Variants in ABCA4 observed in about 807,000 individuals in gnomAD.
ABCA4 encodes ATP binding cassette subfamily A member 4.
Under a neutral mutation model 263.7 loss-of-function variants are expected in ABCA4, and 196 were observed. The ratio of observed to expected loss-of-function variants is 0.74; its 90% confidence interval spans 0.66 to 0.84. ABCA4 has a LOEUF of 0.84. ABCA4 is among the 40% of genes least tolerant of loss of function. The probability of loss-of-function intolerance (pLI) is 0.00; values close to 1 mark genes in which losing one functional copy is unlikely to be tolerated. For synonymous variants in ABCA4, 1,133 were observed against 1,094.2 expected (o/e 1.04, Z -0.70); for missense variants, 2,792 against 2,855.1 (o/e 0.98, Z 0.50).
In ABCA4 at chr1:94,047,035, C is replaced by T. The variant is rs1208132670; in HGVS notation, c.2802G>A (p.Leu934=). ...GGCCACAGGGCTCAAAAATCTTTAC[C>T]AGATTCTTCACGCATACCCCAGGAA... ...GWVPGVCVKN[L]VKIFEPCGRP... Residue 934 remains leucine, a synonymous_variant, in exon 19 of 50, where the codon CTG becomes CTA. Transcript: ENST00000370225. 44 of 1,614,174 alleles carry T rather than the reference C, an allele frequency of 2.7e-5. No homozygotes were observed. Among genetic ancestry groups the T allele is most frequent in the Non-Finnish European group, 3.6e-5 (42 of 1,180,028 alleles).
chr1:94,060,063 G>A (rs1302550694), intron 14 of ABCA4, among the ~76,000 whole-genome samples: 1 of 152,170 alleles, frequency 6.6e-6, no homozygotes, highest in African/African-American at 2.4e-5. Flanking sequence ...AGGTGACCAT[G>A]ATGATGATAA....
At chr1:94,088,809 T>C (rs1661900438) in intron 6 of ABCA4, among the ~76,000 whole-genome samples, 1 of 150,498 alleles carries the variant, frequency 6.6e-6, no homozygotes, top group South Asian at 2.1e-4. Context: ...AGCAACCAGG[T>C]CCTAGATAAT....
Position 94,069,827 on chromosome 1 carries a change from C to T in ABCA4, c.1555-6510G>A, listed in dbSNP as rs78487907. On this transcript the variant is annotated intron_variant, in intron 11 of 49. Coordinates refer to ENST00000370225, the MANE Select transcript of ABCA4 (RefSeq NM_000350.3). Reference sequence around the variant, plus strand: ...CGCAAACAGACATCTGAAACGTTCACCCACAGAGAGTAAGGAAACACATGA... The same window carrying T: ...CGCAAACAGACATCTGAAACGTTCATCCACAGAGAGTAAGGAAACACATGA... Among the ~76,000 whole-genome samples, 893 of 152,170 alleles carry T rather than the reference C, an allele frequency of 5.9e-3. 10 individuals carry two copies. Among genetic ancestry groups the T allele is most frequent in the African/African-American group, 0.021 (856 of 41,512 alleles).
intron 6 of ABCA4, 140 bp downstream of exon 6, chr1:94,098,654 T>G: frequency 1.0e-6 from 1 of 985,818 alleles, no homozygotes; most frequent in Non-Finnish European, 1.6e-6. Flanking sequence ...CAGTTGTGAT[T>G]TTTTGAGCCC....
At chr1:94,027,157 G>A (rs891109077) in intron 30 of ABCA4, among the ~76,000 whole-genome samples, 2 of 152,208 alleles carry the variant, frequency 1.3e-5, no homozygotes, top group South Asian at 2.1e-4. Context: ...TGGAAGGCAC[G>A]TATAATAGTG....
chr1:94,046,626 T>C (rs1660691148), intron 19 of ABCA4, among the ~76,000 whole-genome samples: 1 of 152,084 alleles, frequency 6.6e-6, no homozygotes, highest in Non-Finnish European at 1.5e-5. Context: ...GCCTGGCTTT[T>C]GCCCCCGCTG....
At chr1:94,114,543 G>C (rs994832554) in intron 1 of ABCA4, among the ~76,000 whole-genome samples, 1 of 151,996 alleles carries the variant, frequency 6.6e-6, no homozygotes, top group Non-Finnish European at 1.5e-5. Context: ...CTGGAGTGCA[G>C]TGGCACGATC....
At chr1:94,032,128 T>C (rs1660224652) in intron 26 of ABCA4, 85 bp from the exon 27 acceptor site, 2 of 1,513,030 alleles carry the variant, frequency 1.3e-6, no homozygotes, top group Non-Finnish European at 1.8e-6. Flanking sequence ...CCTTACAGCA[T>C]TGATTTTCCT....
intron 38 of ABCA4, among the ~76,000 whole-genome samples, chr1:94,012,613 A>T (rs1186317318): frequency 3.9e-5 from 6 of 152,180 alleles, no homozygotes; most frequent in African/African-American, 1.4e-4. Flanking sequence ...GGGCTAATAG[A>T]AATCTACAGG....
At chr1:94,065,256 A>G (rs1661236592) in intron 11 of ABCA4, among the ~76,000 whole-genome samples, 2 of 152,096 alleles carry the variant, frequency 1.3e-5, no homozygotes, top group Non-Finnish European at 1.5e-5. Context: ...TGGATCAGCA[A>G]TTACTACTTA....
chr1:94,043,381 T>C lies in ABCA4; in HGVS notation c.3145A>G (p.Thr1049Ala), dbSNP rs1169767756. ...TCATTCCGCTTGTGGTGGAGGCCTG[T>C]GTCCTCCAACATGGCTTCCATCTCC... ...QLEMEAMLED[T>A]GLHHKRNEEA... Residue 1049 changes from threonine (T) to alanine (A), a missense_variant, in exon 21 of 50, where the codon ACA becomes GCA. Transcript: ENST00000370225. 6.2e-7 allele frequency: 1 copy of C among 1,614,150 alleles called. No individual in the cohort carries two copies. Among genetic ancestry groups the C allele is most frequent in the Non-Finnish European group, 8.5e-7 (1 of 1,180,034 alleles).
At chr1:94,051,554 C>T in intron 17 of ABCA4, 79 bp downstream of exon 17, 2 of 1,300,314 alleles carry the variant, frequency 1.5e-6, no homozygotes, top group Non-Finnish European at 2.2e-6. Flanking sequence ...AGAGGGCCAC[C>T]TCTGTGATCC....
Position 94,108,657 on chromosome 1 carries a change from T to G in ABCA4, c.362A>C (p.His121Pro). The change falls in exon 4 of 50, where the codon CAC (histidine) becomes CCC (proline). Residue 121 changes from histidine (H) to proline (P), a missense_variant. Transcript: ENST00000370225. ...ELLMNAPESQ[H>P]LGRIWTELHI... ...TAGCTCTGTCCAAATACGGCCAAGG[T>G]GCTGGCTCTCTGGTGCATTCATGAG... 6 of 1,614,064 alleles carry G rather than the reference T, an allele frequency of 3.7e-6. No homozygotes were observed. The highest frequency in any genetic ancestry group is 5.1e-6 in the Non-Finnish European group (6 of 1,180,034).
intron 36 of ABCA4, among the ~76,000 whole-genome samples, chr1:94,017,687 G>A (rs996770522): frequency 2.6e-5 from 4 of 152,110 alleles, no homozygotes; most frequent in East Asian, 1.9e-4. Context: ...GTGTATCCTC[G>A]TTTGTAGGAA....
intron 25 of ABCA4, 62 bp downstream of exon 25, chr1:94,037,083 A>T: frequency 6.4e-7 from 1 of 1,555,338 alleles, no homozygotes; most frequent in Non-Finnish European, 8.9e-7. Context: ...CTAATGTTAG[A>T]CTTTTTCAAA....
chr1:94,018,119 C>T (rs1640624844), intron 36 of ABCA4, among the ~76,000 whole-genome samples: 1 of 152,248 alleles, frequency 6.6e-6, no homozygotes, highest in Admixed American at 6.5e-5. Context: ...AGTATCACCT[C>T]CCACCTCAGA....
intron 1 of ABCA4, among the ~76,000 whole-genome samples, chr1:94,115,649 G>A (rs562383544): frequency 6.6e-6 from 1 of 152,278 alleles, no homozygotes; most frequent in Admixed American, 6.5e-5. Context: ...GAGCAGTCGT[G>A]AGGGTGAAAT....
At chr1:94,040,005 GC>G (rs1557776755) in intron 24 of ABCA4, 37 bp downstream of exon 24, 1 of 1,529,340 alleles carries the variant, frequency 6.5e-7, no homozygotes, top group Non-Finnish European at 8.9e-7. Context: ...GGAGATGGCT[GC>G]CAGACGGAAC....
chr1:94,077,874 T>C lies in ABCA4; in HGVS notation c.1370A>G (p.Asn457Ser), dbSNP rs1661579247. The C allele has an allele frequency of 6.2e-6, 10 of 1,614,012 alleles. No homozygotes were observed. The highest frequency in any genetic ancestry group is 8.5e-6 in the Non-Finnish European group (10 of 1,179,992). Residue 457 changes from asparagine (N) to serine (S), a missense_variant, in exon 11 of 50, where the codon AAC becomes AGC. Transcript: ENST00000370225. ...ATTCAAAAAGTCTTTTACTGTTGGG[T>C]TCCCCAGGGTATCCTTGGGAAGAAG... ...QMNMIRDTLG[N>S]PTVKDFLNRQ... is the part of the protein sequence containing the mutation.
Sources: gnomAD v4.1 joint callset for allele counts (sites outside exome capture counted in the v4.1 genomes callset) on GRCh38, gnomAD v4.1.1 for gene constraint, MANE v1.5 for transcripts, NCBI Gene and HGNC (gene_info 2026-07-23, HGNC 2026-07-21) for gene names.